Variants in EIF4G3 observed in about 807,000 individuals in gnomAD.
EIF4G3 encodes eIF-4-gamma 3.
Under a neutral mutation model 186.4 loss-of-function variants are expected in EIF4G3, and 34 were observed. The observed-to-expected ratio is 0.18, with a 90% CI of 0.14 to 0.24. EIF4G3 has a LOEUF of 0.24. Ranked by LOEUF, EIF4G3 falls within the 10% of genes least tolerant of loss-of-function variation. The pLI, the probability that EIF4G3 is intolerant of heterozygous loss-of-function variation, is 1.00. For synonymous variants in EIF4G3, 673 were observed against 679.5 expected, an observed-to-expected ratio of 0.99 and a Z score of 0.15; for missense variants, 1,536 against 1,948.5, an observed-to-expected ratio of 0.79 and a Z score of 3.99.
At chr1:21,066,327 T>TA (rs940595339) in intron 3 of EIF4G3, among the ~76,000 whole-genome samples, 5 of 149,612 alleles carry the variant, frequency 3.3e-5, no homozygotes, top group Admixed American at 6.7e-5. Flanking sequence ...ATAAAAACAT[T>TA]AAAAAAAATA....
chr1:21,123,977 A>G (rs6426671), intron 2 of EIF4G3, among the ~76,000 whole-genome samples: 143,789 of 152,220 alleles, frequency 0.94, 68,432 homozygotes, highest in Middle Eastern at 1. Context: ...TATCTTAAAC[A>G]TTACGTATCT....
chr1:20,925,683 G>A (rs76075155), intron 14 of EIF4G3, among the ~76,000 whole-genome samples: 16,406 of 152,124 alleles, frequency 0.11, 1,120 homozygotes, highest in East Asian at 0.28. Flanking sequence ...ACAGGCATGC[G>A]CCACCAAGCC....
intron 4 of EIF4G3, among the ~76,000 whole-genome samples, chr1:21,020,244 T>C (rs1294034654): frequency 6.6e-6 from 1 of 152,110 alleles, no homozygotes; most frequent in East Asian, 1.9e-4. Flanking sequence ...TCTTAGCACT[T>C]TGGGAGGCGG....
At chr1:20,837,793 G>T (rs2067202234) in intron 30 of EIF4G3, among the ~76,000 whole-genome samples, 4 of 152,126 alleles carry the variant, frequency 2.6e-5, no homozygotes, top group South Asian at 2.1e-4. Context: ...TGATCTGCTT[G>T]CAAGAAAGCT....
chr1:20,882,182 C>T (rs2082557297), intron 19 of EIF4G3, among the ~76,000 whole-genome samples: 1 of 55,306 alleles, frequency 1.8e-5, no homozygotes, highest in African/African-American at 4.8e-5. Flanking sequence ...AAATTACACA[C>T]ACACACACAC....
intron 3 of EIF4G3, among the ~76,000 whole-genome samples, chr1:21,087,988 T>C (rs1460731541): frequency 1.3e-5 from 2 of 152,008 alleles, no homozygotes; most frequent in Admixed American, 1.3e-4. Flanking sequence ...CCCAGTTACT[T>C]GGGAGGCTGA....
intron 12 of EIF4G3, among the ~76,000 whole-genome samples, chr1:20,958,544 G>C (rs2096492811): frequency 6.6e-6 from 1 of 152,142 alleles, no homozygotes. Flanking sequence ...GGAAGTCCTA[G>C]CTAGAGCAAT....
intron 3 of EIF4G3, among the ~76,000 whole-genome samples, chr1:21,071,335 C>T (rs1296823984): frequency 2.6e-5 from 4 of 151,994 alleles, no homozygotes; most frequent in Non-Finnish European, 4.4e-5. Context: ...TTGCTTGAGC[C>T]CAGGAGTTCA....
At chr1:21,018,139 T>G (rs1179497267) in intron 4 of EIF4G3, among the ~76,000 whole-genome samples, 4 of 152,000 alleles carry the variant, frequency 2.6e-5, no homozygotes, top group Non-Finnish European at 5.9e-5. Context: ...AGAGACACAT[T>G]CTTGCTATGT....
intron 14 of EIF4G3, among the ~76,000 whole-genome samples, chr1:20,926,231 C>T (rs2094878322): frequency 6.6e-6 from 1 of 152,120 alleles, no homozygotes; most frequent in Admixed American, 6.6e-5. Flanking sequence ...TCTGATTCTA[C>T]CACTTATTAA....
At chr1:20,834,812 C>A (rs910455548) in intron 30 of EIF4G3, among the ~76,000 whole-genome samples, 10 of 152,166 alleles carry the variant, frequency 6.6e-5, no homozygotes, top group Non-Finnish European at 1.5e-4. Context: ...CTTCTTTAGA[C>A]AATGAACAAC....
In EIF4G3 at chr1:20,817,457, T is replaced by C. The variant is rs770707628; in HGVS notation, c.4450A>G (p.Lys1484Glu). 1.9e-5 allele frequency: 31 copies of C among 1,609,816 alleles called. No homozygotes were observed. The highest frequency in any genetic ancestry group is 2.4e-5 in the Non-Finnish European group (28 of 1,177,698). ...KKELSAEELYKRLEKLIIEDK... is the reference protein window; with the variant it reads ...KKELSAEELYERLEKLIIEDK... ...TCAATAATGAGTTTCTCGAGTCGCT[T>C]ATACAGCTCTTCGGCAGACAGTTCT... Residue 1484 changes from lysine to glutamate, a missense_variant, in exon 34 of 37, where the codon AAG (lysine) becomes GAG (glutamate). Around this residue, in one of 11 missense-constraint regions of EIF4G3, gnomAD observed 395 missense variants for 498.9 expected, o/e 0.79. Coordinates refer to ENST00000602326, the MANE Select transcript of EIF4G3 (RefSeq NM_001391906.1).
Position 20,807,003 on chromosome 1 carries a change from C to CT in EIF4G3, c.*315dup, listed in dbSNP as rs200324002. The CT allele has an allele frequency of 0.022, 3,429 of 157,258 alleles. 18 individuals are homozygous for CT. The highest frequency in any genetic ancestry group is 0.053 in the Middle Eastern group (20 of 380). 9.7% of individuals were successfully genotyped at this position (157,258 alleles called of 1,614,324 possible). On this transcript the variant is annotated 3_prime_UTR_variant, in exon 37 of 37. Coordinates refer to ENST00000602326, the MANE Select transcript of EIF4G3 (RefSeq NM_001391906.1). The stretch of plus-strand genomic sequence containing the variant: ...CTTAAAATAAATTAAAAGTTCTCAA[C>CT]TTTTTTTTTTTTTGCTAAACATTTT...
chr1:20,840,836 C>G lies in EIF4G3; in HGVS notation c.4061+20G>C. 3 of 1,612,388 alleles carry G rather than the reference C, an allele frequency of 1.9e-6. No homozygotes were observed. The highest frequency in any genetic ancestry group is 2.5e-6 in the Non-Finnish European group (3 of 1,178,882). On this transcript the variant is annotated intron_variant, in intron 30 of 36. Transcript: ENST00000602326. ...CCAAGAGCCTAGTAACTGAATACCACTCTTGAAGAGGATACTGACCCTTTG... is the reference window on the plus strand; with the variant it reads ...CCAAGAGCCTAGTAACTGAATACCAGTCTTGAAGAGGATACTGACCCTTTG...
chr1:21,088,332 A>AT (rs1382358124), intron 3 of EIF4G3, among the ~76,000 whole-genome samples: 1 of 152,098 alleles, frequency 6.6e-6, no homozygotes, highest in Non-Finnish European at 1.5e-5. Flanking sequence ...AGGCAGTAGA[A>AT]TCACTTGAAC....
chr1:20,948,873 G>A (rs190478135), intron 13 of EIF4G3, among the ~76,000 whole-genome samples: 2 of 150,942 alleles, frequency 1.3e-5, no homozygotes, highest in African/African-American at 4.9e-5. Context: ...GCTGGGCATG[G>A]TGGTGCATGC....
intron 2 of EIF4G3, among the ~76,000 whole-genome samples, chr1:21,136,465 C>A (rs2097249103): frequency 6.6e-6 from 1 of 151,308 alleles, no homozygotes. Context: ...TGCAGTGAGC[C>A]GAGATCGCAC....
At chr1:20,943,988 G>T (rs1485114815) in intron 13 of EIF4G3, among the ~76,000 whole-genome samples, 4 of 121,560 alleles carry the variant, frequency 3.3e-5, no homozygotes, top group African/African-American at 1.2e-4. Context: ...GTGTGTGTGT[G>T]TGTGTGTGTG....
intron 2 of EIF4G3, among the ~76,000 whole-genome samples, chr1:21,131,397 G>GA (rs545136357): frequency 9.6e-6 from 1 of 104,550 alleles, no homozygotes; most frequent in African/African-American, 3.5e-5. Context: ...ATTCACAGAA[G>GA]AAAAAAGAGA....
Sources: gnomAD v4.1 joint callset for allele counts (sites outside exome capture counted in the v4.1 genomes callset) on GRCh38, gnomAD v4.1.1 for gene constraint, gnomAD v4.1.1 regional missense constraint, MANE v1.5 for transcripts, NCBI Gene and HGNC (gene_info 2026-07-23, HGNC 2026-07-21) for gene names.